The following PAXIP1 variants were observed in gnomAD, a reference collection of about 807,000 sequenced individuals.
The protein encoded by PAXIP1 is PAX interacting protein 1, also known as PAX-interacting protein 1.
In PAXIP1, 19 loss-of-function variants were observed where a neutral mutation model predicts 140.6. The ratio of observed to expected loss-of-function variants is 0.14; its 90% CI spans 0.09 to 0.20. PAXIP1 has a LOEUF of 0.20. PAXIP1 is among the 10% of genes least tolerant of loss of function. PAXIP1 has a pLI of 1.00. For missense variants in PAXIP1, 920 were observed against 1,208.6 expected (o/e 0.76, Z 3.54); for synonymous variants, 442 against 444.6 (o/e 0.99, Z 0.07).
chr7:154,985,306 A>G (rs1159527772), intron 4 of PAXIP1, among the ~76,000 whole-genome samples: 2 of 152,146 alleles, frequency 1.3e-5, no homozygotes, highest in African/African-American at 2.4e-5. Context: ...CAAAATACCA[A>G]TGTTATCATG....
In PAXIP1 at chr7:154,976,179, C is replaced by G. The variant is rs1563378340; in HGVS notation, c.591G>C (p.Glu197Asp). The change falls in exon 6 of 21, where the codon GAG (glutamate) becomes GAC (aspartate). Residue 197 changes from glutamate to aspartate, a missense_variant. Glu to Asp is a conservative substitution (Grantham distance 45). Transcript: ENST00000404141. ...IYEEEEEEEE[E>D]EEEVENEEQD... ...GTTCCTCATTTTCTACTTCCTCCTC[C>G]TCTTCCTCTTCCTCTTCTTCCTCTT... 1 of 1,604,638 alleles carries G rather than the reference C, an allele frequency of 6.2e-7. No homozygotes were observed. The highest frequency in any genetic ancestry group is 1.1e-5 in the South Asian group (1 of 90,266).
rs1416218358 is a variant in PAXIP1, at chr7:154,946,411, C to T, written c.3148G>A (p.Glu1050Lys). The T allele has an allele frequency of 6.2e-7, 1 of 1,613,866 alleles. No individual in the cohort carries two copies. Residue 1050 changes from glutamate (E) to lysine (K), a missense_variant, in exon 20 of 21, where the codon GAG becomes AAG. Coordinates refer to ENST00000404141, the MANE Select transcript of PAXIP1 (RefSeq NM_007349.4). This position sits in a 1 kb window ranked among gnomAD's most constrained non-coding sequence, Gnocchi z 4.9. The stretch of plus-strand genomic sequence containing the variant: ...GTGAGCACTCCAGTCAGAACGAACT[C>T]TGCATTGTGAACATCTGAACAGGGT... ...FARGIDVHNAEFVLTGVLTQT... is the reference protein window; with the variant it reads ...FARGIDVHNAKFVLTGVLTQT...
intron 4 of PAXIP1, 132 bp downstream of exon 4, chr7:154,990,874 G>A: frequency 1.8e-6 from 1 of 549,142 alleles, no homozygotes; most frequent in Non-Finnish European, 3.2e-6. Flanking sequence ...AGTGTCATGA[G>A]TTTATATTAA....
At chr7:154,993,581 A>T in intron 3 of PAXIP1, 145 bp downstream of exon 3, 1 of 673,860 alleles carries the variant, frequency 1.5e-6, no homozygotes, top group Non-Finnish European at 2.5e-6. Flanking sequence ...TTGAAACAGG[A>T]TGGAAAATAG....
At chr7:154,990,899 T>C in intron 4 of PAXIP1, 107 bp downstream of exon 4, 2 of 627,996 alleles carry the variant, frequency 3.2e-6, no homozygotes, top group Non-Finnish European at 5.5e-6. Context: ...ACAGTCAGTT[T>C]AGAAAATAGC....
At chr7:154,965,070 G>C (rs1375875800) in intron 8 of PAXIP1, 1 of 152,226 alleles carries the variant, frequency 6.6e-6, no homozygotes, top group Non-Finnish European at 1.5e-5. Context: ...ACTTAATATG[G>C]TGGAATTGAC....
At chr7:154,995,719 A>T (rs377693450) in intron 2 of PAXIP1, among the ~76,000 whole-genome samples, 26 of 152,154 alleles carry the variant, frequency 1.7e-4, no homozygotes, top group Non-Finnish European at 8.8e-5. Context: ...GCGTGGTGGC[A>T]CACGCCTGTA....
At chr7:154,953,657 C>A (rs1808381048) in intron 16 of PAXIP1, among the ~76,000 whole-genome samples, 1 of 152,120 alleles carries the variant, frequency 6.6e-6, no homozygotes, top group Admixed American at 6.5e-5. Context: ...GCTATACAAC[C>A]TCCATGAAGA....
intron 13 of PAXIP1, 93 bp downstream of exon 13, chr7:154,959,797 C>A: frequency 1.2e-6 from 1 of 841,700 alleles, no homozygotes; most frequent in Non-Finnish European, 2.0e-6. Flanking sequence ...TGACAAGTTA[C>A]TAAAATAATT....
chr7:154,969,517 A>G (rs1809199680), intron 6 of PAXIP1, among the ~76,000 whole-genome samples: 1 of 152,340 alleles, frequency 6.6e-6, no homozygotes, highest in East Asian at 1.9e-4. Flanking sequence ...CATCGCCTGC[A>G]TCAGCTCCGC....
chr7:154,954,360 TG>T lies in PAXIP1; in HGVS notation c.2715del (p.Ser906AlafsTer3). ...ESAQKCTHLI[A>X]SKVTRTVKFL... ...AACTTCACGGTGCGAGTCACTTTGC[TG>T]GCAATGAGGTGTGTGCACTTCTGTG... On this transcript the variant is annotated frameshift_variant, in exon 16 of 21. Coordinates refer to ENST00000404141, the MANE Select transcript of PAXIP1 (RefSeq NM_007349.4). LOFTEE classifies it high-confidence loss of function. The surrounding 1 kb of genome is among the most constrained non-coding windows in gnomAD (Gnocchi z 5.1). 6.2e-7 allele frequency: 1 copy of T among 1,609,686 alleles called. No homozygotes were observed. The highest frequency in any genetic ancestry group is 8.5e-7 in the Non-Finnish European group (1 of 1,176,738).
chr7:154,975,707 T>C lies in PAXIP1; in HGVS notation c.1063A>G (p.Asn355Asp), dbSNP rs748930675. ...ADIQQMNRPS[N>D]VAHILQTLSA... Reference sequence around the variant, plus strand: ...AAAGAGTGACTTACATGTGCTACATTTGATGGCCGGTTCATCTGCTGAATG... The same window carrying C: ...AAAGAGTGACTTACATGTGCTACATCTGATGGCCGGTTCATCTGCTGAATG... Residue 355 changes from asparagine (N) to aspartate (D), a missense_variant, in exon 6 of 21, where the codon AAT becomes GAT. Physicochemically the swap from Asn to Asp is conservative, Grantham distance 23. This residue lies in a region of PAXIP1 where 419 missense variants were observed against 514.7 expected (regional missense o/e 0.81). Transcript: ENST00000404141. 4 of 1,609,248 alleles carry C rather than the reference T, an allele frequency of 2.5e-6. No homozygotes were observed. Among genetic ancestry groups the C allele is most frequent in the East Asian group, 2.2e-5 (1 of 44,852 alleles).
chr7:154,961,555 G>T lies in PAXIP1; in HGVS notation c.2221C>A (p.Arg741Ser). ...TTACAGATGAGGACTGTGTTGCTGC[G>T]GCATAGATAACCCGTATATTTGGCA... ...AGAKYTGYLCRSNTVLICKEP... is the reference protein window; with the variant it reads ...AGAKYTGYLCSSNTVLICKEP... Residue 741 changes from arginine to serine, a missense_variant, in exon 11 of 21, where the codon CGC becomes AGC. Arg to Ser is a moderately radical substitution (Grantham distance 110). Coordinates refer to ENST00000404141, the MANE Select transcript of PAXIP1 (RefSeq NM_007349.4). 6.2e-7 allele frequency: 1 copy of T among 1,606,974 alleles called. No homozygotes were observed.
At chr7:154,972,632 C>T (rs1809379812) in intron 6 of PAXIP1, among the ~76,000 whole-genome samples, 1 of 152,200 alleles carries the variant, frequency 6.6e-6, no homozygotes, top group Admixed American at 6.5e-5. Context: ...AATTTCTCAC[C>T]TAAAGAAAGT....
chr7:154,991,291 T>C (rs1810318703), intron 3 of PAXIP1, among the ~76,000 whole-genome samples: 1 of 152,200 alleles, frequency 6.6e-6, no homozygotes, highest in South Asian at 2.1e-4. Context: ...ATCCAATCTC[T>C]CCACTTATAT....
intron 2 of PAXIP1, among the ~76,000 whole-genome samples, 155 bp downstream of exon 2, chr7:154,998,495 G>A (rs1252164883): frequency 6.6e-6 from 1 of 151,986 alleles, no homozygotes; most frequent in Non-Finnish European, 1.5e-5. Context: ...GCAACAGAGC[G>A]AGATTCCAGC....
rs982845972 is a variant in PAXIP1 at position 154,968,842 on chromosome 7, C to T, written c.1359G>A (p.Gln453=). The T allele has an allele frequency of 7.9e-6, 6 of 761,830 alleles. No homozygotes were observed. The highest frequency in any genetic ancestry group is 1.7e-5 in the African/African-American group (1 of 58,032). 47.2% of individuals were successfully genotyped at this position (761,830 alleles called of 1,614,324 possible). Reference sequence around the variant, plus strand: ...GATGCGGATGGGCTTGCTGCTGCTGCTGCTGTTGCTGTGAAAATGGATGCG... The same window carrying T: ...GATGCGGATGGGCTTGCTGCTGCTGTTGCTGTTGCTGTGAAAATGGATGCG... The part of the protein sequence containing the change: ...QPPHPFSQQQ[Q]QQQQAHPHQF... Residue 453 remains glutamine, a synonymous_variant, in exon 7 of 21, where the codon CAG becomes CAA. Coordinates refer to ENST00000404141, the MANE Select transcript of PAXIP1 (RefSeq NM_007349.4).
At chr7:154,995,723 G>A (rs1259726379) in intron 2 of PAXIP1, among the ~76,000 whole-genome samples, 1 of 152,060 alleles carries the variant, frequency 6.6e-6, no homozygotes, top group African/African-American at 2.4e-5. Flanking sequence ...GGTGGCACAC[G>A]CCTGTAGTCC....
chr7:154,946,592 G>A lies in PAXIP1; in HGVS notation c.3058-5C>T. 6.2e-7 allele frequency: 1 copy of A among 1,613,552 alleles called. No homozygotes were observed. Among genetic ancestry groups the A allele is most frequent in the Non-Finnish European group, 8.5e-7 (1 of 1,179,612 alleles). On this transcript the variant is annotated splice_region_variant and splice_polypyrimidine_tract_variant and intron_variant, in intron 18 of 20. Transcript: ENST00000404141. This position sits in a 1 kb window ranked among gnomAD's most constrained non-coding sequence, Gnocchi z 4.9. ...TAAAATTATTTCCGACAAACTCTAA[G>A]GAAAAGAAAATGAGTTTCTCAGTGA...
Sources: allele counts gnomAD v4.1 joint callset (sites outside exome capture counted in the v4.1 genomes callset), GRCh38; gene constraint gnomAD v4.1.1; regional missense constraint gnomAD v4.1.1; non-coding constraint Gnocchi (gnomAD v3.1); transcripts MANE v1.5; gene names NCBI Gene and HGNC (gene_info 2026-07-23, HGNC 2026-07-21).